Variants in TOMM40 observed in about 807,000 individuals in gnomAD.
TOMM40 encodes translocase of outer mitochondrial membrane 40.
Under a neutral mutation model 38.4 loss-of-function variants are expected in TOMM40, and 9 were observed. That is an observed-to-expected ratio of 0.23 (90% CI 0.14 to 0.41). The LOEUF is 0.41. Ranked by LOEUF, TOMM40 falls within the 10% of genes least tolerant of loss-of-function variation. The pLI is 1.00. For missense variants in TOMM40, 299 were observed against 486.5 expected (o/e 0.61, Z 3.63); for synonymous variants, 184 against 210.0 (o/e 0.88, Z 1.07).
At chr19:44,892,345 A>G in intron 1 of TOMM40, 48 bp from the exon 2 acceptor site, 1 of 1,563,592 alleles carries the variant, frequency 6.4e-7, no homozygotes, top group Non-Finnish European at 8.8e-7. Context: ...AAGAGATGAG[A>G]GTTGGTGTGG....
intron 5 of TOMM40, among the ~76,000 whole-genome samples, chr19:44,899,715 A>G (rs534620378): frequency 6.7e-6 from 1 of 148,282 alleles, no homozygotes; most frequent in East Asian, 2.0e-4. Context: ...CTTGTCTCCA[A>G]CTGCTGACCT....
chr19:44,900,941 A>T, intron 6 of TOMM40, 87 bp from the exon 7 acceptor site: 2 of 1,609,440 alleles, frequency 1.2e-6, no homozygotes, highest in Non-Finnish European at 1.7e-6. Context: ...GGCCCTGGAC[A>T]CTCAGGTCTG....
intron 5 of TOMM40, among the ~76,000 whole-genome samples, chr19:44,897,228 G>T (rs1328772327): frequency 2.8e-5 from 4 of 143,332 alleles, no homozygotes; most frequent in Admixed American, 2.7e-4. Context: ...TAGAGAAACT[G>T]GGGGGGTGGC....
In TOMM40 at chr19:44,903,180, C is replaced by A; in HGVS notation, c.*11C>A. On this transcript the variant is annotated 3_prime_UTR_variant, in exon 9 of 9. Transcript: ENST00000426677. Reference sequence around the variant, plus strand: ...CTCACCATCGGCTGAGCCCTCCTGGCCCCCGCCTTCCACGCCCTTCCGATT... The same window carrying A: ...CTCACCATCGGCTGAGCCCTCCTGGACCCCGCCTTCCACGCCCTTCCGATT... 6.2e-7 allele frequency: 1 copy of A among 1,601,552 alleles called. No individual in the cohort carries two copies. Among genetic ancestry groups the A allele is most frequent in the Non-Finnish European group, 8.5e-7 (1 of 1,174,648 alleles).
intron 5 of TOMM40, among the ~76,000 whole-genome samples, chr19:44,899,933 A>G (rs886359808): frequency 6.7e-6 from 1 of 149,970 alleles, no homozygotes; most frequent in Non-Finnish European, 1.5e-5. Flanking sequence ...ACGTGCCACC[A>G]CGCCAGGCTT....
At chr19:44,892,776 G>A (rs990992450) in intron 2 of TOMM40, 61 bp from the exon 3 acceptor site, 32 of 1,392,146 alleles carry the variant, frequency 2.3e-5, no homozygotes, top group Non-Finnish European at 3.1e-5. Context: ...CCTTGTCCTT[G>A]CCCTCTTCAG....
In TOMM40 at chr19:44,892,877, A is replaced by G. The variant is rs145734460; in HGVS notation, c.383A>G (p.Asn128Ser). ...TVALSTIGESNYHFGVTYVGT... is the reference protein window; with the variant it reads ...TVALSTIGESSYHFGVTYVGT... ...GCCCTCAGCACAATCGGGGAGTCCAACTACCACTTCGGGGTCACATATGTG... is the reference window on the plus strand; with the variant it reads ...GCCCTCAGCACAATCGGGGAGTCCAGCTACCACTTCGGGGTCACATATGTG... Residue 128 changes from asparagine to serine, a missense_variant, in exon 3 of 9, where the codon AAC (asparagine) becomes AGC (serine). Coordinates refer to ENST00000426677, the MANE Select transcript of TOMM40 (RefSeq NM_001128917.2). 3.0e-5 allele frequency: 49 copies of G among 1,613,870 alleles called. No individual in the cohort carries two copies. Among genetic ancestry groups the G allele is most frequent in the South Asian group, 1.2e-4 (11 of 91,078 alleles).
rs374158729 is a variant in TOMM40 at position 44,900,815 on chromosome 19, G to A, written c.729G>A (p.Glu243=). ...GELVYHRRPG[E]EGTVMSLAGK... ...TGGTCTACCACCGGCGGCCTGGAGA[G>A]GAGGGCACTGTCATGTCTCTAGCTG... Residue 243 remains glutamate (E), a synonymous_variant, in exon 6 of 9, where the codon GAG becomes GAA. Transcript: ENST00000426677. 9 of 1,614,082 alleles carry A rather than the reference G, an allele frequency of 5.6e-6. No individual in the cohort carries two copies. The highest frequency in any genetic ancestry group is 5.3e-5 in the African/African-American group (4 of 75,060).
Position 44,891,296 on chromosome 19 carries a change from G to T in TOMM40, c.-120G>T, listed in dbSNP as rs1381801519. The T allele has an allele frequency of 8.4e-7, 1 of 1,195,386 alleles. No individual in the cohort carries two copies. The highest frequency in any genetic ancestry group is 1.0e-6 in the Non-Finnish European group (1 of 961,810). 74.0% of individuals were successfully genotyped at this position (1,195,386 alleles called of 1,614,324 possible). Reference sequence around the variant, plus strand: ...CGGGGTGGGAGCGGAGCCCAGGCCGGGAGCAGGCGCCGCCGCCAGTGAGAA... The same window carrying T: ...CGGGGTGGGAGCGGAGCCCAGGCCGTGAGCAGGCGCCGCCGCCAGTGAGAA... On this transcript the variant is annotated 5_prime_UTR_variant, in exon 1 of 9. Transcript: ENST00000426677.
chr19:44,900,578 C>G, intron 5 of TOMM40, 152 bp from the exon 6 acceptor site: 1 of 1,457,544 alleles, frequency 6.9e-7, no homozygotes, highest in Non-Finnish European at 9.2e-7. Flanking sequence ...GGTAGGGAAC[C>G]CCTGGGCGAT....
At chr19:44,900,666 C>T in intron 5 of TOMM40, 64 bp from the exon 6 acceptor site, 1 of 1,610,574 alleles carries the variant, frequency 6.2e-7, no homozygotes, top group Non-Finnish European at 8.5e-7. Context: ...TAGAGGGCTT[C>T]CTGGAGGTGG....
At chr19:44,898,525 C>CTTTTTTTTTTTT (rs71173106) in intron 5 of TOMM40, among the ~76,000 whole-genome samples, 23 of 88,994 alleles carry the variant, frequency 2.6e-4, no homozygotes, top group Admixed American at 4.2e-4. Context: ...TTTTTTTTTT[C>CTTTTTTTTTTTT]TTTTTTTTTT....
chr19:44,894,829 G>T (rs988843233), intron 5 of TOMM40, among the ~76,000 whole-genome samples: 3 of 152,208 alleles, frequency 2.0e-5, no homozygotes, highest in Admixed American at 2.0e-4. Flanking sequence ...CAGAGCCTTG[G>T]CCTTCGCTCT....
chr19:44,894,561 C>T (rs1969530843), intron 5 of TOMM40, among the ~76,000 whole-genome samples: 2 of 152,124 alleles, frequency 1.3e-5, no homozygotes, highest in South Asian at 2.1e-4. Flanking sequence ...CACGCCCAGC[C>T]AGTCAGCGCA....
chr19:44,902,799 G>T, intron 8 of TOMM40: 1 of 477,712 alleles, frequency 2.1e-6, no homozygotes, highest in Non-Finnish European at 3.7e-6. Context: ...GGGAACCCAG[G>T]GGTCTAGAGG....
intron 5 of TOMM40, among the ~76,000 whole-genome samples, chr19:44,894,505 A>C (rs1599937539): frequency 6.6e-6 from 1 of 151,880 alleles, no homozygotes. Flanking sequence ...CAAGGGATCC[A>C]CCCACCTCAG....
intron 8 of TOMM40, chr19:44,902,191 ATT>A (rs1311627762): frequency 3.3e-5 from 5 of 151,996 alleles, no homozygotes; most frequent in African/African-American, 1.2e-4. Context: ...ATCCCCTCTT[ATT>A]TTTCTGCACT....
intron 6 of TOMM40, 36 bp from the exon 7 acceptor site, chr19:44,900,992 G>A (rs1969669921): frequency 1.2e-6 from 2 of 1,613,026 alleles, no homozygotes; most frequent in African/African-American, 1.3e-5. Context: ...AATCCCCTTG[G>A]TAATGAGACC....
At chr19:44,900,308 C>T (rs536622260) in intron 5 of TOMM40, among the ~76,000 whole-genome samples, 1 of 152,298 alleles carries the variant, frequency 6.6e-6, no homozygotes, top group East Asian at 1.9e-4. Flanking sequence ...CCAGGCTGTG[C>T]ATATTTACCC....
Sources: allele counts gnomAD v4.1 joint callset (sites outside exome capture counted in the v4.1 genomes callset), GRCh38; gene constraint gnomAD v4.1.1; transcripts MANE v1.5; gene names NCBI Gene and HGNC (gene_info 2026-07-23, HGNC 2026-07-21).